Variants in DOCK1 observed in about 807,000 individuals in gnomAD.
DOCK1 encodes dedicator of cytokinesis 1, also known as dedicator of cytokinesis protein 1.
DOCK1 carries 138 observed loss-of-function variants against 262.7 expected under a neutral mutation model. That is an observed-to-expected ratio of 0.53 (90% CI 0.46 to 0.61). The LOEUF (loss-of-function observed/expected upper bound fraction) is 0.61. Ranked by LOEUF, DOCK1 falls within the 20% of genes least tolerant of loss-of-function variation. The pLI, the probability that DOCK1 is intolerant of heterozygous loss-of-function variation, is 0.00. For missense variants in DOCK1, 1,908 were observed against 2,370.7 expected (o/e 0.80, Z 4.05); for synonymous variants, 866 against 867.4 (o/e 1.00, Z 0.03).
chr10:126,990,287 TATA>T (rs1394740261), intron 5 of DOCK1, among the ~76,000 whole-genome samples, 165 bp from the exon 6 acceptor site: 1 of 152,034 alleles, frequency 6.6e-6, no homozygotes, highest in Non-Finnish European at 1.5e-5. Context: ...CCAAATTCCG[TATA>T]ATATGTTTTA....
At chr10:127,032,540 T>G (rs915232540) in intron 18 of DOCK1, among the ~76,000 whole-genome samples, 19 of 152,184 alleles carry the variant, frequency 1.2e-4, no homozygotes, top group Admixed American at 8.5e-4. Flanking sequence ...CTAAGGGTTA[T>G]TCTTTTATTT....
intron 1 of DOCK1, among the ~76,000 whole-genome samples, chr10:126,944,208 C>T (rs987940777): frequency 2.0e-5 from 3 of 149,416 alleles, no homozygotes; most frequent in Non-Finnish European, 3.0e-5. Context: ...TGGTTGTAGA[C>T]GAGGGGAGGG....
intron 27 of DOCK1, among the ~76,000 whole-genome samples, chr10:127,213,280 G>A (rs2058061841): frequency 6.6e-6 from 1 of 152,206 alleles, no homozygotes; most frequent in Non-Finnish European, 1.5e-5. Context: ...GGATGCTAGA[G>A]ACAGAAAGAA....
chr10:127,433,759 C>T (rs2069464634), intron 48 of DOCK1, among the ~76,000 whole-genome samples: 2 of 152,230 alleles, frequency 1.3e-5, no homozygotes, highest in Admixed American at 6.5e-5. Flanking sequence ...ACATGCAGCC[C>T]AGGATGGCTT....
At chr10:126,985,357 T>C (rs923673135) in intron 4 of DOCK1, among the ~76,000 whole-genome samples, 1 of 152,186 alleles carries the variant, frequency 6.6e-6, no homozygotes, top group Non-Finnish European at 1.5e-5. Flanking sequence ...GCAGGCATTA[T>C]TGGGGTTACA....
chr10:127,379,359 G>C (rs961230103), intron 35 of DOCK1, among the ~76,000 whole-genome samples: 8 of 152,182 alleles, frequency 5.3e-5, no homozygotes, highest in Middle Eastern at 3.2e-3. Context: ...TACACAGGGG[G>C]CTTTTTCAGA....
chr10:127,020,722 C>T (rs1187753492), intron 13 of DOCK1, among the ~76,000 whole-genome samples: 1 of 152,108 alleles, frequency 6.6e-6, no homozygotes, highest in Non-Finnish European at 1.5e-5. Context: ...GGGTCATCTG[C>T]GTTCTCTGTT....
intron 29 of DOCK1, among the ~76,000 whole-genome samples, chr10:127,264,193 A>G (rs896741085): frequency 6.6e-6 from 1 of 152,214 alleles, no homozygotes; most frequent in African/African-American, 2.4e-5. Context: ...TTAAAAATTC[A>G]ACTACTCCAG....
chr10:127,411,205 C>A (rs927724416), intron 43 of DOCK1, among the ~76,000 whole-genome samples: 1 of 152,118 alleles, frequency 6.6e-6, no homozygotes, highest in African/African-American at 2.4e-5. Context: ...GCCTTCCCTG[C>A]GAGCCCCAGG....
At chr10:127,448,573 C>T (rs1417965718) in intron 51 of DOCK1, among the ~76,000 whole-genome samples, 1 of 152,214 alleles carries the variant, frequency 6.6e-6, no homozygotes, top group Non-Finnish European at 1.5e-5. Flanking sequence ...ACGGCGGGAA[C>T]TTCTGCTTCT....
intron 22 of DOCK1, among the ~76,000 whole-genome samples, chr10:127,061,283 C>T (rs899920387): frequency 2.6e-5 from 4 of 152,112 alleles, no homozygotes; most frequent in African/African-American, 7.2e-5. Context: ...ACAACTGCAT[C>T]TTAATAGTGT....
chr10:127,327,258 A>G (rs990996936), intron 29 of DOCK1, among the ~76,000 whole-genome samples: 2 of 152,200 alleles, frequency 1.3e-5, no homozygotes, highest in African/African-American at 4.8e-5. Context: ...ACATATTCCA[A>G]TATAAGGTGG....
chr10:126,927,972 A>C (rs2033888828), intron 1 of DOCK1, among the ~76,000 whole-genome samples: 1 of 152,236 alleles, frequency 6.6e-6, no homozygotes, highest in Admixed American at 6.5e-5. Context: ...GCACCTACCC[A>C]GGTGCCACCT....
chr10:126,991,903 C>T (rs1422246592), intron 6 of DOCK1, among the ~76,000 whole-genome samples: 6 of 152,160 alleles, frequency 3.9e-5, no homozygotes, highest in African/African-American at 1.2e-4. Context: ...TTTAATTCAA[C>T]CCCCTCATTT....
At chr10:126,943,041 G>A (rs1459013611) in intron 1 of DOCK1, among the ~76,000 whole-genome samples, 1 of 151,684 alleles carries the variant, frequency 6.6e-6, no homozygotes, top group Admixed American at 6.6e-5. Context: ...TGAATCATTT[G>A]AGGTCAGGAG....
intron 37 of DOCK1, 30 bp from the exon 38 acceptor site, chr10:127,384,760 G>T: frequency 6.6e-7 from 1 of 1,520,762 alleles, no homozygotes; most frequent in South Asian, 1.3e-5. Flanking sequence ...TTTCCGCCTC[G>T]GGTCCGCTCA....
At chr10:126,997,630 A>G (rs570024476) in intron 7 of DOCK1, among the ~76,000 whole-genome samples, 5 of 152,014 alleles carry the variant, frequency 3.3e-5, no homozygotes, top group Non-Finnish European at 5.9e-5. Context: ...ACCTCCCACC[A>G]GTATATATAT....
In DOCK1 at chr10:127,362,134, G is replaced by C; in HGVS notation, c.3354G>C (p.Thr1118=). The change falls in exon 33 of 52, where the codon ACG becomes ACC. Residue 1118 remains threonine, a synonymous_variant. Coordinates refer to ENST00000623213, the MANE Select transcript of DOCK1 (RefSeq NM_001290223.2). ...PILEMTLIPE[T]ELRKATIPIF... ...TAGAAATGACATTAATTCCCGAGAC[G>C]GAGCTGCGCAAAGCCACCATCCCCA... 1.2e-6 allele frequency: 2 copies of C among 1,613,774 alleles called. No homozygotes were observed. The highest frequency in any genetic ancestry group is 1.7e-6 in the Non-Finnish European group (2 of 1,179,828).
At chr10:127,335,588 C>A (rs1236746657) in intron 29 of DOCK1, among the ~76,000 whole-genome samples, 2 of 151,724 alleles carry the variant, frequency 1.3e-5, no homozygotes, top group Non-Finnish European at 2.9e-5. Flanking sequence ...TGCTCTGTCA[C>A]CCAGGCTGGA....
Sources: gnomAD v4.1 joint callset for allele counts (sites outside exome capture counted in the v4.1 genomes callset) on GRCh38, gnomAD v4.1.1 for gene constraint, MANE v1.5 for transcripts, NCBI Gene and HGNC (gene_info 2026-07-23, HGNC 2026-07-21) for gene names.